DGKB: variants seen among roughly 807,000 people sequenced by gnomAD.
DGKB encodes the protein 90 kDa diacylglycerol kinase.
In DGKB, 67 loss-of-function variants were observed where a neutral mutation model predicts 114.3. The ratio of observed to expected loss-of-function variants is 0.59; its 90% confidence interval spans 0.48 to 0.72. The LOEUF is 0.72. DGKB is among the 30% of genes least tolerant of loss of function. The pLI is 0.00. For missense variants in DGKB, 907 were observed against 975.2 expected, an observed-to-expected ratio of 0.93 and a Z score of 0.93; for synonymous variants, 398 against 323.1, an observed-to-expected ratio of 1.23 and a Z score of -2.49.
intron 5 of DGKB, among the ~76,000 whole-genome samples, chr7:14,724,415 A>G (rs2128367799): frequency 6.6e-6 from 1 of 152,310 alleles, no homozygotes; most frequent in Middle Eastern, 3.4e-3. Context: ...TCAGTGAATA[A>G]GAAATGTAAT....
At chr7:14,617,729 C>A (rs1233531644) in intron 15 of DGKB, among the ~76,000 whole-genome samples, 1 of 151,618 alleles carries the variant, frequency 6.6e-6, no homozygotes, top group African/African-American at 2.4e-5. Flanking sequence ...TCTTGCCCAC[C>A]CTACTCCAAC....
At chr7:14,601,425 T>A (rs980620574) in intron 17 of DGKB, among the ~76,000 whole-genome samples, 1 of 152,168 alleles carries the variant, frequency 6.6e-6, no homozygotes, top group Non-Finnish European at 1.5e-5. Context: ...GCATTCTAGA[T>A]TCCTTCTAGA....
chr7:14,490,410 G>C, intron 20 of DGKB, among the ~76,000 whole-genome samples: 1 of 152,212 alleles, frequency 6.6e-6, no homozygotes, highest in South Asian at 2.1e-4. Context: ...TGACAGCATA[G>C]TTTATTTATT....
chr7:14,528,755 T>C (rs1012031104), intron 20 of DGKB, among the ~76,000 whole-genome samples: 4 of 152,088 alleles, frequency 2.6e-5, no homozygotes, highest in Non-Finnish European at 4.4e-5. Flanking sequence ...GAATGGGATA[T>C]ATCTTTCGCA....
chr7:14,720,688 A>T (rs533078252), intron 5 of DGKB, among the ~76,000 whole-genome samples: 2 of 152,194 alleles, frequency 1.3e-5, no homozygotes, highest in African/African-American at 4.8e-5. Flanking sequence ...ATGTGGCTTT[A>T]TGTTTTACAT....
chr7:14,781,676 T>C (rs1369377457), intron 2 of DGKB, among the ~76,000 whole-genome samples: 2 of 152,350 alleles, frequency 1.3e-5, no homozygotes, highest in Admixed American at 1.3e-4. Context: ...TCTGTCTTTA[T>C]TCAAACAAAC....
chr7:14,206,061 A>G (rs896107826), intron 23 of DGKB, among the ~76,000 whole-genome samples: 9 of 152,078 alleles, frequency 5.9e-5, no homozygotes, highest in Non-Finnish European at 8.8e-5. Flanking sequence ...CTTGCATATT[A>G]ACTACAAAAT....
chr7:14,290,894 G>C (rs1340676436), intron 23 of DGKB, among the ~76,000 whole-genome samples: 1 of 152,062 alleles, frequency 6.6e-6, no homozygotes, highest in Non-Finnish European at 1.5e-5. Flanking sequence ...TGTAGTCCCA[G>C]CACTTGGGAG....
intron 21 of DGKB, among the ~76,000 whole-genome samples, chr7:14,459,742 G>A (rs1320394348): frequency 6.6e-6 from 1 of 152,088 alleles, no homozygotes; most frequent in Non-Finnish European, 1.5e-5. Context: ...AGGAAATACG[G>A]AGAACACCAC....
chr7:14,517,412 C>T (rs906368419), intron 20 of DGKB, among the ~76,000 whole-genome samples: 5 of 151,574 alleles, frequency 3.3e-5, no homozygotes, highest in African/African-American at 7.3e-5. Flanking sequence ...GATTTCACAA[C>T]GAAGACACCA....
intron 23 of DGKB, among the ~76,000 whole-genome samples, chr7:14,235,482 A>G (rs758500956): frequency 6.6e-6 from 1 of 152,102 alleles, no homozygotes; most frequent in Non-Finnish European, 1.5e-5. Flanking sequence ...AGAATACAAG[A>G]GTGGATATCA....
chr7:14,475,302 T>A (rs1782005337), intron 21 of DGKB, among the ~76,000 whole-genome samples: 1 of 152,146 alleles, frequency 6.6e-6, no homozygotes, highest in East Asian at 1.9e-4. Flanking sequence ...AATGTTGAAA[T>A]CTGAACTATC....
At chr7:14,753,587 AAATT>A (rs1834424982) in intron 4 of DGKB, among the ~76,000 whole-genome samples, 1 of 152,184 alleles carries the variant, frequency 6.6e-6, no homozygotes, top group Non-Finnish European at 1.5e-5. Context: ...GTAAATTAAT[AAATT>A]AAGACTTTTA....
chr7:14,697,775 A>G (rs1824263186), intron 8 of DGKB, among the ~76,000 whole-genome samples: 1 of 124,060 alleles, frequency 8.1e-6, no homozygotes, highest in Non-Finnish European at 1.8e-5. Flanking sequence ...AAAGAAACAA[A>G]GAGAAAGAAA....
intron 20 of DGKB, among the ~76,000 whole-genome samples, chr7:14,519,145 A>G (rs1235595794): frequency 6.6e-6 from 1 of 152,114 alleles, no homozygotes; most frequent in Non-Finnish European, 1.5e-5. Context: ...ACAATTCAAT[A>G]TTTTTTGGTA....
intron 20 of DGKB, among the ~76,000 whole-genome samples, chr7:14,562,369 C>A (rs1038604191): frequency 6.6e-6 from 1 of 152,196 alleles, no homozygotes; most frequent in Non-Finnish European, 1.5e-5. Flanking sequence ...AGAGTCCCCA[C>A]TGGGACACTG....
At chr7:14,714,719 C>A (rs1174954479) in intron 6 of DGKB, among the ~76,000 whole-genome samples, 2 of 152,066 alleles carry the variant, frequency 1.3e-5, no homozygotes, top group African/African-American at 2.4e-5. Flanking sequence ...AGAGCTATAA[C>A]CCAAAGAATT....
chr7:14,540,108 A>G (rs1047831341), intron 20 of DGKB, among the ~76,000 whole-genome samples: 2 of 152,082 alleles, frequency 1.3e-5, no homozygotes, highest in African/African-American at 4.8e-5. Flanking sequence ...CTTCCAAGGA[A>G]GAAGCTAATG....
At chr7:14,721,787 T>C (rs1198030455) in intron 5 of DGKB, among the ~76,000 whole-genome samples, 1 of 152,174 alleles carries the variant, frequency 6.6e-6, no homozygotes, top group African/African-American at 2.4e-5. Context: ...AAGAAGAAGA[T>C]AAAATGTCAA....
Sources: gnomAD v4.1 joint callset for allele counts (sites outside exome capture counted in the v4.1 genomes callset) on GRCh38, gnomAD v4.1.1 for gene constraint, MANE v1.5 for transcripts, NCBI Gene and HGNC (gene_info 2026-07-23, HGNC 2026-07-21) for gene names.